The following PTPRS variants were observed in gnomAD, a reference collection of about 807,000 sequenced individuals.
PTPRS encodes receptor-type tyrosine-protein phosphatase S.
A neutral mutation model predicts 215.3 loss-of-function variants in PTPRS; 63 were observed. The observed-to-expected ratio is 0.29, with a 90% CI of 0.24 to 0.36. The LOEUF is 0.36. PTPRS is among the 10% of genes least tolerant of loss of function. The probability of loss-of-function intolerance (pLI) is 1.00; values close to 1 mark genes in which losing one functional copy is unlikely to be tolerated. For synonymous variants in PTPRS, 1,404 were observed against 1,191.4 expected (o/e 1.18, Z -3.68); for missense variants, 2,258 against 2,825.8 (o/e 0.80, Z 4.56).
chr19:5,270,019 C>T (rs1021168401), intron 4 of PTPRS, among the ~76,000 whole-genome samples: 3 of 151,656 alleles, frequency 2.0e-5, no homozygotes, highest in African/African-American at 4.8e-5. Flanking sequence ...ACAGCTTGTC[C>T]TTTTAATACC....
intron 1 of PTPRS, among the ~76,000 whole-genome samples, chr19:5,319,648 C>T (rs1456907425): frequency 6.6e-6 from 1 of 151,984 alleles, no homozygotes; most frequent in African/African-American, 2.4e-5. Flanking sequence ...CTCTCCCCTC[C>T]CCATCACTCA....
At chr19:5,270,928 A>G (rs985930852) in intron 4 of PTPRS, among the ~76,000 whole-genome samples, 1 of 152,198 alleles carries the variant, frequency 6.6e-6, no homozygotes, top group African/African-American at 2.4e-5. Context: ...TACAGGCCAA[A>G]GCACAGGGCC....
intron 4 of PTPRS, among the ~76,000 whole-genome samples, chr19:5,267,310 G>A (rs1386153056): frequency 6.6e-6 from 1 of 152,126 alleles, no homozygotes; most frequent in Admixed American, 6.5e-5. Context: ...CTGGGCTGAG[G>A]TGATGAGGTG....
At chr19:5,309,604 G>A (rs560793252) in intron 1 of PTPRS, among the ~76,000 whole-genome samples, 1 of 152,204 alleles carries the variant, frequency 6.6e-6, no homozygotes, top group East Asian at 1.9e-4. Flanking sequence ...GCTAATGGGG[G>A]CGTTTCCATG....
At chr19:5,276,514 C>A (rs916302428) in intron 2 of PTPRS, among the ~76,000 whole-genome samples, 10 of 146,684 alleles carry the variant, frequency 6.8e-5, no homozygotes, top group Admixed American at 6.2e-4. Context: ...TGAGCCACTG[C>A]GCCTGGCCTG....
chr19:5,236,864 A>AC (rs1568444343), intron 13 of PTPRS, among the ~76,000 whole-genome samples: 1 of 138,320 alleles, frequency 7.2e-6, no homozygotes, highest in East Asian at 1.9e-4. Context: ...AAAAAAAAAA[A>AC]ACAACAATCA....
chr19:5,273,561 G>A lies in PTPRS; in HGVS notation c.260C>T (p.Ala87Val), dbSNP rs750513868. The change falls in exon 4 of 38, where the codon GCA (alanine) becomes GTA (valine). Residue 87 changes from alanine (A) to valine (V), a missense_variant. Coordinates refer to ENST00000262963, the MANE Select transcript of PTPRS (RefSeq NM_002850.4). ...RFETIEFDES[A>V]GAVLRIQPLR... Reference sequence around the variant, plus strand: ...CGGCTGGATCCTCAGCACTGCCCCTGCACTCTCATCAAACTCAATCGTCTG... The same window carrying A: ...CGGCTGGATCCTCAGCACTGCCCCTACACTCTCATCAAACTCAATCGTCTG... 6.2e-7 allele frequency: 1 copy of A among 1,614,116 alleles called. No homozygotes were observed. Among genetic ancestry groups the A allele is most frequent in the Non-Finnish European group, 8.5e-7 (1 of 1,180,010 alleles).
rs1019995185 is a variant in PTPRS, at chr19:5,333,108, C to T, written c.-95+7556G>A. Among the ~76,000 whole-genome samples, 9 of 151,678 alleles carry T rather than the reference C, an allele frequency of 5.9e-5. No individual in the cohort carries two copies. The East Asian group carries it at 7.8e-4, about 13-fold the overall frequency. On this transcript the variant is annotated intron_variant, in intron 1 of 37. Coordinates refer to ENST00000262963, the MANE Select transcript of PTPRS (RefSeq NM_002850.4). ...AGATTGCAGTGAGCTGAGATCACGCCGTTGCACTCCAGCCTGGCGACAGAG... is the reference window on the plus strand; with the variant it reads ...AGATTGCAGTGAGCTGAGATCACGCTGTTGCACTCCAGCCTGGCGACAGAG...
chr19:5,206,082 A>AAAC lies in PTPRS; in HGVS notation c.*691_*692insGTT, dbSNP rs1555729800. Among the ~76,000 whole-genome samples the AAAC allele has an allele frequency of 6.9e-6, 1 of 144,378 alleles. No individual in the cohort carries two copies. Among genetic ancestry groups the AAAC allele is most frequent in the African/African-American group, 2.6e-5 (1 of 37,794 alleles). The allele number at this position is 144,378 out of a possible 152,430, so 94.7% of individuals were successfully genotyped here. On this transcript the variant is annotated 3_prime_UTR_variant, in exon 38 of 38. Coordinates refer to ENST00000262963, the MANE Select transcript of PTPRS (RefSeq NM_002850.4). Reference sequence around the variant, plus strand: ...AATTAAAAAAAAAAAAAAAAAAAAAAAAGCCAAGGTACAGCCATGGGCCTG... The same window carrying AAAC: ...AATTAAAAAAAAAAAAAAAAAAAAAAAACAAGCCAAGGTACAGCCATGGGCCTG...
At chr19:5,266,586 C>T (rs28673242) in intron 4 of PTPRS, among the ~76,000 whole-genome samples, 4 of 152,030 alleles carry the variant, frequency 2.6e-5, no homozygotes, top group East Asian at 1.9e-4. Flanking sequence ...AGGCTGGTCT[C>T]GAACTCCTGA....
chr19:5,282,821 C>A (rs895766309), intron 2 of PTPRS, among the ~76,000 whole-genome samples: 8 of 150,792 alleles, frequency 5.3e-5, no homozygotes, highest in African/African-American at 2.0e-4. Context: ...AAAGAAGGGA[C>A]CTGCCTTTGG....
chr19:5,335,920 A>T (rs1323840469), intron 1 of PTPRS, among the ~76,000 whole-genome samples: 1 of 151,470 alleles, frequency 6.6e-6, no homozygotes, highest in Non-Finnish European at 1.5e-5. Flanking sequence ...AGAAGAGGGG[A>T]TTCCACGGCT....
chr19:5,273,570 T>A lies in PTPRS; in HGVS notation c.251A>T (p.Asp84Val), dbSNP rs1327491811. The A allele has an allele frequency of 6.2e-7, 1 of 1,613,918 alleles. No individual in the cohort carries two copies. The highest frequency in any genetic ancestry group is 8.5e-7 in the Non-Finnish European group (1 of 1,180,006). Residue 84 changes from aspartate (D) to valine (V), a missense_variant, in exon 4 of 38, where the codon GAT becomes GTT. Transcript: ENST00000262963. The part of the protein sequence containing the change: ...NSQRFETIEF[D>V]ESAGAVLRIQ... ...CCTCAGCACTGCCCCTGCACTCTCA[T>A]CAAACTCAATCGTCTGCCATGGGCA...
chr19:5,293,916 G>A lies in PTPRS; in HGVS notation c.-94-7682C>T, dbSNP rs548710915. Among the ~76,000 whole-genome samples the A allele has an allele frequency of 4.6e-5, 7 of 152,328 alleles. No individual in the cohort carries two copies. The South Asian group carries it at 1.5e-3, about 32-fold the overall frequency. On this transcript the variant is annotated intron_variant, in intron 1 of 37. Coordinates refer to ENST00000262963, the MANE Select transcript of PTPRS (RefSeq NM_002850.4). The surrounding 1 kb of genome is among the most constrained non-coding windows in gnomAD (Gnocchi z 8.4). ...GCCGCCGTGCCAGGCCCGCGACACC[G>A]GAGCAGAGGGAGAGGAGGAGGGAGA...
At chr19:5,223,340 G>A (rs960364591) in intron 17 of PTPRS, 43 bp from the exon 18 acceptor site, 18 of 1,420,842 alleles carry the variant, frequency 1.3e-5, no homozygotes, top group South Asian at 3.1e-5. Flanking sequence ...AGCGCCATCC[G>A]CCAGCCCAGA....
chr19:5,299,861 A>G (rs2049250299), intron 1 of PTPRS, among the ~76,000 whole-genome samples: 1 of 151,662 alleles, frequency 6.6e-6, no homozygotes, highest in South Asian at 2.1e-4. Flanking sequence ...CAAGAGTGAA[A>G]CTCTGCTTCG....
In PTPRS at chr19:5,222,321, G is replaced by A. The variant is rs188431994; in HGVS notation, c.3104-101C>T. Reference sequence around the variant, plus strand: ...CGGGGTGGGGTGGGGCGGCCCAGGCGCTCCCTGTCGTCCGCTGTGCCCATG... The same window carrying A: ...CGGGGTGGGGTGGGGCGGCCCAGGCACTCCCTGTCGTCCGCTGTGCCCATG... On this transcript the variant is annotated intron_variant, in intron 18 of 37. Coordinates refer to ENST00000262963, the MANE Select transcript of PTPRS (RefSeq NM_002850.4). The A allele has an allele frequency of 2.0e-3, 1,943 of 973,428 alleles. 34 individuals are homozygous for A. In the African/African-American group the frequency reaches 0.026, roughly 13 times the overall value. The allele number at this position is 973,428 out of a possible 1,614,324, so 60.3% of individuals were successfully genotyped here.
At chr19:5,317,155 A>G (rs1279948310) in intron 1 of PTPRS, among the ~76,000 whole-genome samples, 1 of 152,176 alleles carries the variant, frequency 6.6e-6, no homozygotes, top group Non-Finnish European at 1.5e-5. Flanking sequence ...CACTGAGAAA[A>G]TATTACTTGG....
rs767324138 is a variant in PTPRS, at chr19:5,225,788, G to C, written c.2433C>G (p.Ala811=). 6.2e-7 allele frequency: 1 copy of C among 1,614,100 alleles called. No homozygotes were observed. Among genetic ancestry groups the C allele is most frequent in the South Asian group, 1.1e-5 (1 of 91,084 alleles). ...PETAYSITVA[A]YTMKGDGARS... ...GAGCGCCATCGCCCTTCATGGTGTA[G>C]GCGGCTACCGTGATGGAGTACGCGG... The change falls in exon 17 of 38, where the codon GCC becomes GCG. Residue 811 remains alanine (A), a synonymous_variant. Coordinates refer to ENST00000262963, the MANE Select transcript of PTPRS (RefSeq NM_002850.4).
Sources: gnomAD v4.1 joint callset for allele counts (sites outside exome capture counted in the v4.1 genomes callset) on GRCh38, gnomAD v4.1.1 for gene constraint, Gnocchi (gnomAD v3.1) non-coding constraint, MANE v1.5 for transcripts, NCBI Gene and HGNC (gene_info 2026-07-23, HGNC 2026-07-21) for gene names.